Variants in SPTLC2 observed in about 807,000 individuals in gnomAD.
The protein encoded by SPTLC2 is serine palmitoyltransferase long chain base subunit 2.
In SPTLC2, 21 loss-of-function variants were observed where a neutral mutation model predicts 62.0. That is an observed-to-expected ratio of 0.34 (90% CI 0.24 to 0.49). SPTLC2 has a LOEUF of 0.49. Ranked by LOEUF, SPTLC2 falls within the 20% of genes least tolerant of loss-of-function variation. The pLI is 0.99. For missense variants in SPTLC2, 511 were observed against 713.0 expected, an observed-to-expected ratio of 0.72 and a Z score of 3.23; for synonymous variants, 261 against 261.8, an observed-to-expected ratio of 1.00 and a Z score of 0.03.
intron 9 of SPTLC2, among the ~76,000 whole-genome samples, chr14:77,537,042 C>A (rs2079474965): frequency 1.3e-5 from 2 of 151,980 alleles, no homozygotes; most frequent in African/African-American, 2.4e-5. Context: ...CCTGCCTCAG[C>A]CTCCTGAATA....
rs184464148 is a variant in SPTLC2 at position 77,506,436 on chromosome 14, C to T, written c.*5848G>A. On this transcript the variant is annotated 3_prime_UTR_variant, in exon 12 of 12. Coordinates refer to ENST00000216484, the MANE Select transcript of SPTLC2 (RefSeq NM_004863.4). ...GCTATTGCTCTCTTCTTCTCTTTCC[C>T]CCTTCTCTTAATGTTAGCTGCCTGT... The T allele has an allele frequency of 3.8e-4, 58 of 152,310 alleles. No individual in the cohort carries two copies. Among genetic ancestry groups the T allele is most frequent in the African/African-American group, 1.3e-3 (55 of 41,566 alleles). The allele number at this position is 152,310 out of a possible 1,614,324, so 9.4% of individuals were successfully genotyped here. A position where few individuals can be genotyped will look rare whatever the true frequency, so the allele number is the denominator to read the frequency against.
chr14:77,529,497 T>A (rs1426728019), intron 9 of SPTLC2, among the ~76,000 whole-genome samples: 1 of 151,882 alleles, frequency 6.6e-6, no homozygotes, highest in East Asian at 1.9e-4. Flanking sequence ...ATTACCAAAG[T>A]AATTATGGAA....
At chr14:77,554,899 A>T in intron 8 of SPTLC2, 1 of 259,228 alleles carries the variant, frequency 3.9e-6, no homozygotes, top group Non-Finnish European at 7.6e-6. Flanking sequence ...CTCCATGTTC[A>T]CTCATGATAT....
At chr14:77,589,789 CCACACACA>C (rs10627978) in intron 2 of SPTLC2, among the ~76,000 whole-genome samples, 5 of 146,206 alleles carry the variant, frequency 3.4e-5, no homozygotes, top group African/African-American at 5.1e-5. Context: ...GAGTCCGTCT[CCACACACA>C]CACACACACA....
chr14:77,606,335 AAAC>A (rs142482716), intron 1 of SPTLC2, among the ~76,000 whole-genome samples: 3,642 of 152,014 alleles, frequency 0.024, 142 homozygotes, highest in African/African-American at 0.084. Flanking sequence ...CTGTCTCAAA[AAAC>A]AACAACAACT....
chr14:77,513,016 C>CTTTTTTTTTTTTTTTTTTT lies in SPTLC2; in HGVS notation c.1570-632_1570-614dup, dbSNP rs1190713237. Among the ~76,000 whole-genome samples the CTTTTTTTTTTTTTTTTTTT allele has an allele frequency of 9.6e-5, 6 of 62,820 alleles. 2 individuals carry two copies. Among genetic ancestry groups the CTTTTTTTTTTTTTTTTTTT allele is most frequent in the Non-Finnish European group, 1.1e-4 (4 of 36,982 alleles). The allele number at this position is 62,820 out of a possible 152,430, so 41.2% of individuals were successfully genotyped here. On this transcript the variant is annotated intron_variant, in intron 11 of 11. Transcript: ENST00000216484. ...AGGCGTAAGCCAACGAACCCAGCAA[C>CTTTTTTTTTTTTTTTTTTT]TTTTTTTTTTTTTTTTTTTTTTTTT...
chr14:77,545,548 C>A lies in SPTLC2; in HGVS notation c.1303+6548G>T, dbSNP rs144787058. On this transcript the variant is annotated intron_variant, in intron 9 of 11. Transcript: ENST00000216484. ...CTTCCCAAAGTGCTGGGATTACAGG[C>A]GTGAGCCATCGTGCCCGGCCGGGTA... Among the ~76,000 whole-genome samples, 452 of 152,300 alleles carry A rather than the reference C, an allele frequency of 3.0e-3. 5 individuals carry two copies. The highest frequency in any genetic ancestry group is 0.011 in the African/African-American group (438 of 41,544).
At chr14:77,564,446 C>T (rs2079633732) in intron 5 of SPTLC2, among the ~76,000 whole-genome samples, 1 of 118,574 alleles carries the variant, frequency 8.4e-6, no homozygotes, top group Non-Finnish European at 1.8e-5. Context: ...CACACACACA[C>T]ACACAGATGT....
At position 77,616,606 on chromosome 14, in the gene SPTLC2, AG is replaced by A. The variant is rs1566797205; in HGVS notation, c.-28del. ...TTCCTGGCAGCACCAGGCGCAAGGC[AG>A]GCTCTGTAGGCGGTGGCAGCGGCGG... On this transcript the variant is annotated 5_prime_UTR_variant, in exon 1 of 12. Transcript: ENST00000216484. 2 of 1,534,298 alleles carry A rather than the reference AG, an allele frequency of 1.3e-6. No homozygotes were observed. The highest frequency in any genetic ancestry group is 1.2e-5 in the South Asian group (1 of 84,248).
At chr14:77,570,566 A>T in intron 4 of SPTLC2, 58 bp from the exon 5 acceptor site, 1 of 1,602,522 alleles carries the variant, frequency 6.2e-7, no homozygotes, top group Non-Finnish European at 8.5e-7. Flanking sequence ...AGAATTACTC[A>T]TCACTTTATT....
chr14:77,524,517 C>T (rs111549210), intron 9 of SPTLC2, among the ~76,000 whole-genome samples: 1,633 of 151,970 alleles, frequency 0.011, 38 homozygotes, highest in African/African-American at 0.035. Flanking sequence ...TGCTGTTTAT[C>T]CAAATAAAAG....
chr14:77,519,570 T>C (rs937957019), intron 10 of SPTLC2, among the ~76,000 whole-genome samples: 4 of 151,838 alleles, frequency 2.6e-5, no homozygotes, highest in African/African-American at 4.8e-5. Flanking sequence ...ATACAAAAAT[T>C]AGCCAGGTGT....
intron 9 of SPTLC2, among the ~76,000 whole-genome samples, chr14:77,551,390 CAAAAAAAAAAAA>C (rs11347331): frequency 3.4e-4 from 21 of 61,168 alleles, no homozygotes; most frequent in African/African-American, 1.2e-3. Flanking sequence ...GACTCCGTCT[CAAAAAAAAAAAA>C]AAAAAAAAAA....
intron 9 of SPTLC2, chr14:77,547,860 T>G (rs2079537049): frequency 6.8e-6 from 1 of 146,504 alleles, no homozygotes; most frequent in South Asian, 2.2e-4. Flanking sequence ...TGCCACTGCA[T>G]TGTCCTGGAA....
intron 2 of SPTLC2, among the ~76,000 whole-genome samples, chr14:77,590,010 C>T (rs2079807296): frequency 2.0e-5 from 3 of 151,586 alleles, no homozygotes; most frequent in Admixed American, 2.0e-4. Context: ...AGGTTTCACT[C>T]TGTCACCCAG....
intron 2 of SPTLC2, among the ~76,000 whole-genome samples, chr14:77,579,403 A>G (rs181188142): frequency 2.8e-4 from 42 of 152,132 alleles, no homozygotes; most frequent in Non-Finnish European, 4.4e-5. Flanking sequence ...TACAACTTCC[A>G]TTTTCATACT....
intron 10 of SPTLC2, among the ~76,000 whole-genome samples, chr14:77,520,827 G>A (rs981128617): frequency 6.6e-6 from 1 of 152,108 alleles, no homozygotes; most frequent in African/African-American, 2.4e-5. Flanking sequence ...TGACCTCATG[G>A]CCCACTGCTC....
chr14:77,611,431 C>G (rs139396230), intron 1 of SPTLC2, among the ~76,000 whole-genome samples: 455 of 138,092 alleles, frequency 3.3e-3, no homozygotes, highest in Middle Eastern at 0.017. Flanking sequence ...CTACTGCAGG[C>G]CAGGCTGGAG....
rs75369913 is a variant in SPTLC2, at chr14:77,557,654, A to G, written c.851-508T>C. Among the ~76,000 whole-genome samples, 642 of 152,340 alleles carry G rather than the reference A, an allele frequency of 4.2e-3. 3 individuals are homozygous for G. The highest frequency in any genetic ancestry group is 0.014 in the African/African-American group (576 of 41,582). On this transcript the variant is annotated intron_variant, in intron 6 of 11. Coordinates refer to ENST00000216484, the MANE Select transcript of SPTLC2 (RefSeq NM_004863.4). ...TTTCCTTTCACCCAGGACGTACTCA[A>G]TAAACGCTTGTTAAAGAGTTTTATT...
Sources: allele counts gnomAD v4.1 joint callset (sites outside exome capture counted in the v4.1 genomes callset), GRCh38; gene constraint gnomAD v4.1.1; transcripts MANE v1.5; gene names NCBI Gene and HGNC (gene_info 2026-07-23, HGNC 2026-07-21).